Variants in CREBBP observed in about 807,000 individuals in gnomAD.
CREBBP encodes CREB binding lysine acetyltransferase, also known as CREB-binding protein.
In CREBBP, 19 loss-of-function variants were observed where a neutral mutation model predicts 265.0. The observed-to-expected ratio is 0.07, with a 90% CI of 0.05 to 0.11. CREBBP has a LOEUF of 0.11. Among genes scored for constraint, CREBBP ranks in the 10% least tolerant of loss-of-function variants. The pLI is 1.00. For missense variants in CREBBP, 2,525 were observed against 3,219.0 expected (o/e 0.78, Z 5.22); for synonymous variants, 1,457 against 1,223.7 (o/e 1.19, Z -3.98).
chr16:3,736,512 C>G (rs2052065544), intron 27 of CREBBP, 138 bp downstream of exon 27: 1 of 1,311,848 alleles, frequency 7.6e-7, no homozygotes, highest in Non-Finnish European at 1.1e-6. Flanking sequence ...TAAGTTCTCA[C>G]TTTAGGCTTT....
chr16:3,788,718 A>G (rs146046337), intron 5 of CREBBP, among the ~76,000 whole-genome samples: 23 of 152,346 alleles, frequency 1.5e-4, no homozygotes, highest in African/African-American at 5.5e-4. Context: ...TTGGGAGGTC[A>G]AGGTGGGAAG....
Position 3,727,927 on chromosome 16 carries a change from G to A in CREBBP, c.7120C>T (p.His2374Tyr), listed in dbSNP as rs2151299133. ...SPRIQPQPSP[H>Y]HVSPQTGSPH... Reference sequence around the variant, plus strand: ...GAACCAGTCTGGGGTGAGACGTGGTGTGGCGAAGGCTGGGGCTGTATCCGT... The same window carrying A: ...GAACCAGTCTGGGGTGAGACGTGGTATGGCGAAGGCTGGGGCTGTATCCGT... Residue 2374 changes from histidine to tyrosine, a missense_variant, in exon 31 of 31, where the codon CAC (histidine) becomes TAC (tyrosine). Physicochemically the swap from His to Tyr is moderately conservative, Grantham distance 83 (BLOSUM62 2). Transcript: ENST00000262367. 6.2e-7 allele frequency: 1 copy of A among 1,610,366 alleles called. No individual in the cohort carries two copies.
At chr16:3,854,949 G>C (rs537358138) in intron 1 of CREBBP, among the ~76,000 whole-genome samples, 21 of 152,272 alleles carry the variant, frequency 1.4e-4, no homozygotes, top group African/African-American at 5.1e-4. Context: ...AAATAACACT[G>C]TTCTCCTAAG....
intron 1 of CREBBP, among the ~76,000 whole-genome samples, chr16:3,877,399 A>G (rs991176875): frequency 1.4e-4 from 22 of 152,298 alleles, no homozygotes; most frequent in African/African-American, 5.3e-4. Context: ...TACAACAGAC[A>G]AAGTGTCCCT....
chr16:3,804,368 A>C (rs2053786896), intron 3 of CREBBP, among the ~76,000 whole-genome samples: 2 of 152,200 alleles, frequency 1.3e-5, no homozygotes, highest in Non-Finnish European at 2.9e-5. Flanking sequence ...ATAAACAAAA[A>C]TTTACACAAT....
At chr16:3,798,392 A>G (rs1332973402) in intron 3 of CREBBP, among the ~76,000 whole-genome samples, 1 of 152,244 alleles carries the variant, frequency 6.6e-6, no homozygotes, top group African/African-American at 2.4e-5. Context: ...TGAAAGTGGA[A>G]AGTGAAAGAG....
At position 3,726,953 on chromosome 16, in the gene CREBBP, A is replaced by G. The variant is rs755459530; in HGVS notation, c.*765T>C. ...GAGCGCTTGCATGATTTACACTAGAATTGCTTTTCCTCATTTCAAGTTTCA... is the reference window on the plus strand; with the variant it reads ...GAGCGCTTGCATGATTTACACTAGAGTTGCTTTTCCTCATTTCAAGTTTCA... On this transcript the variant is annotated 3_prime_UTR_variant, in exon 31 of 31. Transcript: ENST00000262367. The G allele has an allele frequency of 1.7e-4, 39 of 233,560 alleles. No individual in the cohort carries two copies. Among genetic ancestry groups the G allele is most frequent in the Non-Finnish European group, 2.8e-4 (33 of 118,052 alleles). 14.5% of individuals were successfully genotyped at this position (233,560 alleles called of 1,614,324 possible). A position where few individuals can be genotyped will look rare whatever the true frequency, so the allele number is the denominator to read the frequency against.
chr16:3,740,747 A>G, intron 23 of CREBBP, 198 bp from the exon 24 acceptor site: 1 of 690,996 alleles, frequency 1.4e-6, no homozygotes, highest in East Asian at 2.8e-5. Context: ...GATCTCAGGC[A>G]CTCCACTCCT....
chr16:3,816,206 A>G (rs1176379200), intron 2 of CREBBP, among the ~76,000 whole-genome samples: 1 of 152,234 alleles, frequency 6.6e-6, no homozygotes, highest in African/African-American at 2.4e-5. Flanking sequence ...AATGCCTCAC[A>G]GCTCTCCCAG....
chr16:3,773,037 G>T (rs1348318260), intron 13 of CREBBP, among the ~76,000 whole-genome samples: 1 of 151,872 alleles, frequency 6.6e-6, no homozygotes, highest in African/African-American at 2.4e-5. Context: ...GCAGAGCCGA[G>T]ATTGTACCAC....
At chr16:3,739,531 A>G (rs1282736168) in intron 25 of CREBBP, 47 bp downstream of exon 25, 4 of 1,613,112 alleles carry the variant, frequency 2.5e-6, no homozygotes, top group Non-Finnish European at 3.4e-6. Context: ...GGTCTATCCT[A>G]ACACGGCTCA....
intron 16 of CREBBP, among the ~76,000 whole-genome samples, chr16:3,760,398 T>G (rs979630896): frequency 9.0e-6 from 1 of 110,554 alleles, no homozygotes; most frequent in Non-Finnish European, 1.7e-5. Flanking sequence ...CAGGTTTTTT[T>G]TTTTTTTTTT....
At chr16:3,825,852 A>C (rs1324912043) in intron 2 of CREBBP, among the ~76,000 whole-genome samples, 1 of 152,278 alleles carries the variant, frequency 6.6e-6, no homozygotes, top group Non-Finnish European at 1.5e-5. Flanking sequence ...AATACAAGGA[A>C]GAATTCATAA....
At chr16:3,772,914 A>G (rs34585696) in intron 13 of CREBBP, among the ~76,000 whole-genome samples, 2 of 108,886 alleles carry the variant, frequency 1.8e-5, no homozygotes, top group Non-Finnish European at 3.7e-5. Flanking sequence ...TACTAAAAAT[A>G]CAAAAAAAAA....
rs1555496693 is a variant in CREBBP, at chr16:3,850,887, G to A, written c.208C>T (p.Leu70=). ...CTGCCTCCTCGTAGAAGCTCCGACA[G>A]TTGTTTATGTTTGGAAGCAGCATCT... ...VPDAASKHKQ[L]SELLRGGSGS... is the part of the protein sequence containing the mutation. The change falls in exon 2 of 31, where the codon CTG becomes TTG. Residue 70 remains leucine (L), a synonymous_variant. Transcript: ENST00000262367. 6.2e-7 allele frequency: 1 copy of A among 1,614,172 alleles called. No homozygotes were observed. The highest frequency in any genetic ancestry group is 1.1e-5 in the South Asian group (1 of 91,084).
chr16:3,767,604 A>T, intron 16 of CREBBP, 116 bp downstream of exon 16: 1 of 1,405,998 alleles, frequency 7.1e-7, no homozygotes, highest in Non-Finnish European at 9.9e-7. Flanking sequence ...GGCAGGCAAG[A>T]AAGGTAAAAG....
intron 8 of CREBBP, among the ~76,000 whole-genome samples, chr16:3,780,430 T>C (rs912497940): frequency 6.6e-6 from 1 of 152,092 alleles, no homozygotes; most frequent in African/African-American, 2.4e-5. Context: ...CAGCCTAAAG[T>C]GCAGAAGCAC....
At chr16:3,863,883 C>T (rs1314681734) in intron 1 of CREBBP, among the ~76,000 whole-genome samples, 3 of 152,140 alleles carry the variant, frequency 2.0e-5, no homozygotes, top group Non-Finnish European at 4.4e-5. Flanking sequence ...ACCCAGCAGC[C>T]CCTGCACGTT....
rs757344471 is a variant in CREBBP, at chr16:3,769,353, G to C, written c.2881C>G (p.Leu961Val). 1 of 1,614,214 alleles carries C rather than the reference G, an allele frequency of 6.2e-7. No individual in the cohort carries two copies. The highest frequency in any genetic ancestry group is 8.5e-7 in the Non-Finnish European group (1 of 1,180,036). ...PVHAQPPGTPLSQAAASIDNR... is the reference protein window; with the variant it reads ...PVHAQPPGTPVSQAAASIDNR... ...TCAATGCTGGCTGCTGCCTGGGAAA[G>C]CTGTGAAAAAACCGAAAGCACTGAC... The change falls in exon 15 of 31, where the codon CTT becomes GTT. Residue 961 changes from leucine (L) to valine (V), a missense_variant and splice_region_variant. Transcript: ENST00000262367.
Sources: gnomAD v4.1 joint callset for allele counts (sites outside exome capture counted in the v4.1 genomes callset) on GRCh38, gnomAD v4.1.1 for gene constraint, MANE v1.5 for transcripts, NCBI Gene and HGNC (gene_info 2026-07-23, HGNC 2026-07-21) for gene names.